Variants in VPS26A observed in about 807,000 individuals in gnomAD.
VPS26A encodes vacuolar protein sorting-associated protein 26A.
A neutral mutation model predicts 42.4 loss-of-function variants in VPS26A; 22 were observed. The observed-to-expected ratio is 0.52, with a 90% CI of 0.37 to 0.74. The LOEUF (loss-of-function observed/expected upper bound fraction) is 0.74. Among genes scored for constraint, VPS26A ranks in the 30% least tolerant of loss-of-function variants. The pLI is 0.00. For missense variants in VPS26A, 276 were observed against 379.2 expected (o/e 0.73, Z 2.26); for synonymous variants, 110 against 123.5 (o/e 0.89, Z 0.73).
chr10:69,130,649 T>TA (rs577955560), intron 1 of VPS26A, among the ~76,000 whole-genome samples: 10 of 152,174 alleles, frequency 6.6e-5, no homozygotes, highest in South Asian at 2.1e-4. Context: ...TGCTCAGTTA[T>TA]AAAAAAAACA....
intron 2 of VPS26A, among the ~76,000 whole-genome samples, chr10:69,134,975 T>A (rs1840871897): frequency 6.6e-6 from 1 of 151,634 alleles, no homozygotes; most frequent in Admixed American, 6.6e-5. Context: ...GAGCAGACAA[T>A]CATCAAAAGG....
intron 1 of VPS26A, among the ~76,000 whole-genome samples, chr10:69,124,663 G>T (rs1840610944): frequency 6.6e-6 from 1 of 152,212 alleles, no homozygotes; most frequent in Non-Finnish European, 1.5e-5. Context: ...TCCAGGTGGG[G>T]CGACCCGGGA....
At chr10:69,149,820 C>T (rs1487067111) in intron 2 of VPS26A, among the ~76,000 whole-genome samples, 6 of 138,024 alleles carry the variant, frequency 4.3e-5, no homozygotes, top group African/African-American at 1.7e-4. Context: ...GATCTCAGCT[C>T]ACTGCAGCCT....
intron 3 of VPS26A, 58 bp downstream of exon 3, chr10:69,155,945 G>GAA: frequency 3.7e-6 from 5 of 1,364,014 alleles, no homozygotes; most frequent in Non-Finnish European, 5.1e-6. Flanking sequence ...GAAGAGGGTT[G>GAA]GATTTTGCAC....
chr10:69,147,876 C>G (rs914258221), intron 2 of VPS26A, among the ~76,000 whole-genome samples: 2 of 152,078 alleles, frequency 1.3e-5, no homozygotes, highest in African/African-American at 4.8e-5. Flanking sequence ...CCATGCCCAC[C>G]TAATTTTTAT....
At chr10:69,151,805 A>G (rs1358623390) in intron 2 of VPS26A, among the ~76,000 whole-genome samples, 2 of 152,208 alleles carry the variant, frequency 1.3e-5, no homozygotes, top group South Asian at 2.1e-4. Context: ...CTGCTGCCAT[A>G]TAGGTATTTT....
chr10:69,156,864 G>A (rs545928781), intron 3 of VPS26A, 143 bp from the exon 4 acceptor site: 1 of 685,234 alleles, frequency 1.5e-6, no homozygotes, highest in Admixed American at 3.2e-5. Context: ...AAAGGATAAT[G>A]GAATTCAGAG....
intron 1 of VPS26A, 71 bp downstream of exon 1, chr10:69,124,351 C>T: frequency 2.5e-6 from 3 of 1,223,646 alleles, no homozygotes; most frequent in Non-Finnish European, 3.1e-6. Context: ...CGGCCAACCG[C>T]GGGCCGGGCG....
rs1292175797 is a variant in VPS26A, at chr10:69,173,995, CCAGTGTTCTGTAGAATGGACCAAT to C, written c.*2730_*2753del. 1.3e-5 allele frequency among the ~76,000 whole-genome samples: 2 copies of C among 152,182 alleles called. No individual in the cohort carries two copies. The highest frequency in any genetic ancestry group is 4.8e-5 in the African/African-American group (2 of 41,448). On this transcript the variant is annotated 3_prime_UTR_variant, in exon 9 of 9. Coordinates refer to ENST00000263559, the MANE Select transcript of VPS26A (RefSeq NM_004896.5). ...GCTAGAAGTTTGTAAAATGGACCAA[CCAGTGTTCTGTAGAATGGACCAAT>C]CAGCAGGACGTGGGCGGGGACAAAT...
At chr10:69,133,689 T>C (rs1001078015) in intron 2 of VPS26A, 2 of 1,054,384 alleles carry the variant, frequency 1.9e-6, no homozygotes, top group Non-Finnish European at 2.6e-6. Flanking sequence ...TGTTTTGTTT[T>C]GTTTCGTTTT....
intron 7 of VPS26A, among the ~76,000 whole-genome samples, chr10:69,167,295 G>C (rs1489082887): frequency 2.6e-5 from 4 of 151,874 alleles, no homozygotes; most frequent in Non-Finnish European, 4.4e-5. Flanking sequence ...GCCAGGCATG[G>C]TGGCATGCAC....
chr10:69,147,895 G>T (rs918752293), intron 2 of VPS26A, among the ~76,000 whole-genome samples: 58 of 151,762 alleles, frequency 3.8e-4, no homozygotes, highest in African/African-American at 1.2e-3. Flanking sequence ...ATATTTTTTT[G>T]TAGAGACAGG....
At chr10:69,137,388 G>A (rs1408296348) in intron 2 of VPS26A, among the ~76,000 whole-genome samples, 1 of 152,172 alleles carries the variant, frequency 6.6e-6, no homozygotes, top group African/African-American at 2.4e-5. Flanking sequence ...TTGCAGTCTC[G>A]TCTGAAGTTC....
At chr10:69,153,349 CT>C (rs1336703008) in intron 2 of VPS26A, among the ~76,000 whole-genome samples, 7 of 149,946 alleles carry the variant, frequency 4.7e-5, no homozygotes, top group African/African-American at 1.5e-4. Flanking sequence ...TGTGCCCTGC[CT>C]TTTTTTTGTC....
At chr10:69,128,490 A>T (rs917002296) in intron 1 of VPS26A, among the ~76,000 whole-genome samples, 2 of 151,886 alleles carry the variant, frequency 1.3e-5, no homozygotes, top group Non-Finnish European at 2.9e-5. Context: ...TCGGCCTCCC[A>T]AACTGCTGGG....
chr10:69,129,335 G>A (rs186186092), intron 1 of VPS26A, among the ~76,000 whole-genome samples: 2 of 152,272 alleles, frequency 1.3e-5, no homozygotes, highest in East Asian at 3.9e-4. Flanking sequence ...ATGTACTACA[G>A]TATTTCAGAA....
At chr10:69,151,264 C>CAAAA (rs1192297497) in intron 2 of VPS26A, among the ~76,000 whole-genome samples, 13 of 30,402 alleles carry the variant, frequency 4.3e-4, no homozygotes, top group African/African-American at 1.3e-3. Context: ...GACTCCATGT[C>CAAAA]AAAAAAAAAA....
At chr10:69,166,849 G>A (rs767260645) in intron 7 of VPS26A, among the ~76,000 whole-genome samples, 13 of 152,144 alleles carry the variant, frequency 8.5e-5, no homozygotes, top group East Asian at 1.9e-4. Flanking sequence ...TATTCAGGCC[G>A]GGTGTGGTGG....
chr10:69,151,272 A>AAAAAAAAAAAAAAAAAC (rs1564680860), intron 2 of VPS26A, among the ~76,000 whole-genome samples: 2 of 81,660 alleles, frequency 2.4e-5, no homozygotes, highest in African/African-American at 6.7e-5. Context: ...GTCAAAAAAA[A>AAAAAAAAAAAAAAAAAC]AAAAAAAAAA....
Sources: gnomAD v4.1 joint callset for allele counts (sites outside exome capture counted in the v4.1 genomes callset) on GRCh38, gnomAD v4.1.1 for gene constraint, MANE v1.5 for transcripts, NCBI Gene and HGNC (gene_info 2026-07-23, HGNC 2026-07-21) for gene names.